The following SEMA3A variants were observed in gnomAD, a reference collection of about 807,000 sequenced individuals.
SEMA3A encodes the protein semaphorin-3A.
In SEMA3A, 29 loss-of-function variants were observed where a neutral mutation model predicts 97.9. The observed-to-expected ratio is 0.30, with a 90% CI of 0.22 to 0.40. SEMA3A has a LOEUF of 0.40. Among genes scored for constraint, SEMA3A ranks in the 10% least tolerant of loss-of-function variants. SEMA3A has a pLI of 1.00. For synonymous variants in SEMA3A, 321 were observed against 323.7 expected, an observed-to-expected ratio of 0.99 and a Z score of 0.09; for missense variants, 763 against 951.3, an observed-to-expected ratio of 0.80 and a Z score of 2.60.
chr7:83,984,185 A>G (rs1321830073), intron 13 of SEMA3A, among the ~76,000 whole-genome samples: 1 of 152,120 alleles, frequency 6.6e-6, no homozygotes, highest in Non-Finnish European at 1.5e-5. Flanking sequence ...GGCCTAGCAG[A>G]GAATAAATAA....
chr7:84,249,978 G>A (rs1458104125), intron 3 of SEMA3A, among the ~76,000 whole-genome samples: 1 of 150,184 alleles, frequency 6.7e-6, no homozygotes, highest in Non-Finnish European at 1.5e-5. Context: ...AATTGACTCT[G>A]CTCAAACGTA....
intron 4 of SEMA3A, among the ~76,000 whole-genome samples, chr7:84,062,630 C>T (rs1004972540): frequency 4.6e-5 from 7 of 152,168 alleles, no homozygotes; most frequent in Admixed American, 1.3e-4. Context: ...TCAGGGAGTT[C>T]CCTTTCTGAG....
At chr7:84,234,793 C>G (rs759428014) in intron 3 of SEMA3A, among the ~76,000 whole-genome samples, 2 of 151,990 alleles carry the variant, frequency 1.3e-5, no homozygotes, top group Non-Finnish European at 2.9e-5. Flanking sequence ...TTACTAATTA[C>G]TCATTCTGAC....
At chr7:84,371,159 T>C (rs929706633) in intron 2 of SEMA3A, among the ~76,000 whole-genome samples, 1 of 151,830 alleles carries the variant, frequency 6.6e-6, no homozygotes, top group African/African-American at 2.4e-5. Flanking sequence ...TTTGTGCAAA[T>C]AGATTTACAT....
intron 3 of SEMA3A, among the ~76,000 whole-genome samples, chr7:84,300,974 T>A (rs554520322): frequency 2.6e-5 from 4 of 152,262 alleles, no homozygotes; most frequent in Admixed American, 6.5e-5. Flanking sequence ...GTATGTTCTC[T>A]GACCATAGAT....
intron 4 of SEMA3A, among the ~76,000 whole-genome samples, chr7:84,102,587 G>C (rs948907455): frequency 1.5e-5 from 1 of 66,890 alleles, no homozygotes; most frequent in Non-Finnish European, 3.3e-5. Context: ...TTGCATTATC[G>C]CTTTTTTTTT....
At chr7:84,233,103 C>T (rs1374079829) in intron 3 of SEMA3A, among the ~76,000 whole-genome samples, 6 of 151,980 alleles carry the variant, frequency 3.9e-5, no homozygotes, top group Admixed American at 3.9e-4. Flanking sequence ...TACCCATTGC[C>T]TGACTAATGA....
chr7:84,342,295 A>G (rs994126462), intron 2 of SEMA3A, among the ~76,000 whole-genome samples: 1 of 152,150 alleles, frequency 6.6e-6, no homozygotes, highest in African/African-American at 2.4e-5. Context: ...TTGGGCTCCC[A>G]AAGTGCTGGG....
At chr7:84,230,035 T>C (rs574203452) in intron 3 of SEMA3A, among the ~76,000 whole-genome samples, 141 of 152,112 alleles carry the variant, frequency 9.3e-4, no homozygotes, top group Non-Finnish European at 1.9e-3. Context: ...AAGTAAGTCA[T>C]TAATGATCTT....
intron 3 of SEMA3A, among the ~76,000 whole-genome samples, chr7:84,225,890 G>A (rs145984323): frequency 1.4e-3 from 209 of 152,146 alleles, no homozygotes; most frequent in African/African-American, 5.0e-3. Flanking sequence ...AGATTAATGG[G>A]CTAATTTCAG....
At chr7:84,296,958 A>G (rs1286427465) in intron 3 of SEMA3A, among the ~76,000 whole-genome samples, 2 of 151,998 alleles carry the variant, frequency 1.3e-5, no homozygotes, top group Non-Finnish European at 2.9e-5. Context: ...AAACAGTTTG[A>G]TATTCTTTTC....
rs567641554 is a variant in SEMA3A, at chr7:84,057,580, C to G, written c.547+2885G>C. On this transcript the variant is annotated intron_variant, in intron 5 of 16. Transcript: ENST00000265362. The stretch of plus-strand genomic sequence containing the variant: ...AGGAGTTCGAGACCAGCCTGACCAA[C>G]ATGGTGAAACCTTGTCTCTCCTAAA... 9.5e-4 allele frequency among the ~76,000 whole-genome samples: 144 copies of G among 152,030 alleles called. 4 individuals are homozygous for G. In the South Asian group the frequency reaches 0.029, roughly 30 times the overall value.
intron 4 of SEMA3A, among the ~76,000 whole-genome samples, chr7:84,070,907 T>C (rs1228837057): frequency 1.3e-5 from 2 of 152,106 alleles, no homozygotes; most frequent in African/African-American, 2.4e-5. Flanking sequence ...CCTTTGCACA[T>C]ACTTGAATTA....
At chr7:84,176,828 C>A (rs537572582) in intron 1 of SEMA3A, among the ~76,000 whole-genome samples, 1 of 152,090 alleles carries the variant, frequency 6.6e-6, no homozygotes, top group African/African-American at 2.4e-5. Context: ...ATAGAATGCA[C>A]GAAAGTTTAG....
chr7:83,969,297 C>A (rs981822869), intron 15 of SEMA3A, among the ~76,000 whole-genome samples: 2 of 152,108 alleles, frequency 1.3e-5, no homozygotes. Context: ...AATTACACTC[C>A]TCAATGTGAA....
chr7:84,164,622 G>C (rs1468641066), intron 1 of SEMA3A, among the ~76,000 whole-genome samples: 1 of 152,090 alleles, frequency 6.6e-6, no homozygotes, highest in African/African-American at 2.4e-5. Context: ...AATACCCTAG[G>C]AGGTAGATAT....
chr7:84,209,834 T>G (rs1418614669), intron 3 of SEMA3A, among the ~76,000 whole-genome samples: 1 of 152,184 alleles, frequency 6.6e-6, no homozygotes, highest in African/African-American at 2.4e-5. Flanking sequence ...CACTAGACTC[T>G]GAAGTAACAA....
intron 3 of SEMA3A, among the ~76,000 whole-genome samples, chr7:84,212,106 A>G (rs1170343981): frequency 6.6e-6 from 1 of 152,200 alleles, no homozygotes; most frequent in African/African-American, 2.4e-5. Flanking sequence ...TAGGTACCCC[A>G]TGAAGAACAG....
intron 3 of SEMA3A, among the ~76,000 whole-genome samples, chr7:84,228,862 A>G (rs1207477635): frequency 1.3e-5 from 2 of 152,016 alleles, no homozygotes; most frequent in African/African-American, 4.8e-5. Flanking sequence ...GGTGCCTTCT[A>G]TTGAAGACCT....
Sources: gnomAD v4.1 joint callset for allele counts (sites outside exome capture counted in the v4.1 genomes callset) on GRCh38, gnomAD v4.1.1 for gene constraint, MANE v1.5 for transcripts, NCBI Gene and HGNC (gene_info 2026-07-23, HGNC 2026-07-21) for gene names.